The following RGS6 variants were observed in gnomAD, a reference collection of about 807,000 sequenced individuals.
The protein encoded by RGS6 is regulator of G-protein signaling 6.
Under a neutral mutation model 78.5 loss-of-function variants are expected in RGS6, and 30 were observed. The observed-to-expected ratio is 0.38, with a 90% CI of 0.29 to 0.52. RGS6 has a LOEUF of 0.52. Among genes scored for constraint, RGS6 ranks in the 20% least tolerant of loss-of-function variants. The pLI, the probability that RGS6 is intolerant of heterozygous loss-of-function variation, is 0.85. For missense variants in RGS6, 495 were observed against 609.7 expected, an observed-to-expected ratio of 0.81 and a Z score of 1.98; for synonymous variants, 206 against 206.0, an observed-to-expected ratio of 1.00 and a Z score of 0.00.
intron 2 of RGS6, among the ~76,000 whole-genome samples, chr14:72,312,612 A>G (rs953206455): frequency 3.9e-5 from 6 of 152,226 alleles, no homozygotes; most frequent in Non-Finnish European, 5.9e-5. Context: ...CCTGTAACAT[A>G]GTTATGCGTA....
At chr14:72,630,016 T>C in the RGS6 span, among the ~76,000 whole-genome samples, 1 of 151,974 alleles carries the variant, frequency 6.6e-6, no homozygotes, top group South Asian at 2.1e-4. Flanking sequence ...AAAACAATGA[T>C]CAGAGAGAAC....
chr14:72,288,224 T>C (rs986031044), intron 2 of RGS6, among the ~76,000 whole-genome samples: 4 of 152,230 alleles, frequency 2.6e-5, no homozygotes, highest in Non-Finnish European at 4.4e-5. Flanking sequence ...GGAAATATTG[T>C]ATATAGGTAA....
chr14:72,014,365 C>A (rs989160756), intron 2 of RGS6, among the ~76,000 whole-genome samples: 1 of 152,168 alleles, frequency 6.6e-6, no homozygotes, highest in Admixed American at 6.5e-5. Flanking sequence ...GTTGCTATTG[C>A]CCCAAACATT....
chr14:72,289,279 T>C (rs1375615995), intron 2 of RGS6, among the ~76,000 whole-genome samples: 4 of 152,164 alleles, frequency 2.6e-5, no homozygotes, highest in African/African-American at 9.7e-5. Context: ...TTGTCTCCCA[T>C]GTTCTCCCTA....
At chr14:72,145,749 C>A (rs547302225) in intron 2 of RGS6, among the ~76,000 whole-genome samples, 1 of 152,274 alleles carries the variant, frequency 6.6e-6, no homozygotes, top group South Asian at 2.1e-4. Context: ...TCCCAAAATG[C>A]TGGGATTACA....
intron 3 of RGS6, among the ~76,000 whole-genome samples, chr14:72,445,515 A>G (rs1368871363): frequency 2.0e-5 from 3 of 151,990 alleles, no homozygotes; most frequent in African/African-American, 7.2e-5. Flanking sequence ...TCAGTGGGTG[A>G]AAGACCCTGA....
chr14:72,111,682 C>T (rs2095766162), intron 2 of RGS6, among the ~76,000 whole-genome samples: 1 of 152,142 alleles, frequency 6.6e-6, no homozygotes, highest in Non-Finnish European at 1.5e-5. Context: ...CTTTTCCCAA[C>T]AGAGGTTACC....
At chr14:72,118,228 A>G (rs751090604) in intron 2 of RGS6, among the ~76,000 whole-genome samples, 5 of 152,014 alleles carry the variant, frequency 3.3e-5, no homozygotes, top group African/African-American at 4.8e-5. Context: ...TAAGGCTATA[A>G]TGGGAGACAC....
chr14:72,398,185 C>CT (rs1047048887), intron 3 of RGS6, among the ~76,000 whole-genome samples: 4 of 152,056 alleles, frequency 2.6e-5, no homozygotes, highest in African/African-American at 7.2e-5. Flanking sequence ...TGGTCCTGGA[C>CT]TTTTTTTGGT....
the RGS6 span, among the ~76,000 whole-genome samples, chr14:71,889,602 A>T: frequency 6.6e-6 from 1 of 152,122 alleles, no homozygotes; most frequent in Non-Finnish European, 1.5e-5. Context: ...GGGATAATTG[A>T]GTTGGGGGAG....
At chr14:72,102,818 C>T (rs898069480) in intron 2 of RGS6, among the ~76,000 whole-genome samples, 4 of 152,288 alleles carry the variant, frequency 2.6e-5, no homozygotes, top group Non-Finnish European at 4.4e-5. Context: ...GGCAATCTAA[C>T]GTCAGACCCC....
intron 13 of RGS6, among the ~76,000 whole-genome samples, chr14:72,495,507 C>A (rs2096633493): frequency 6.6e-6 from 1 of 152,130 alleles, no homozygotes; most frequent in Non-Finnish European, 1.5e-5. Flanking sequence ...AGTCCCTCAC[C>A]ATTCCCTAGT....
intron 2 of RGS6, among the ~76,000 whole-genome samples, chr14:72,160,600 A>C (rs1257245174): frequency 6.6e-6 from 1 of 152,228 alleles, no homozygotes; most frequent in African/African-American, 2.4e-5. Flanking sequence ...AAGGTGATTA[A>C]GTTAAAGTGA....
At chr14:72,076,969 TAA>T (rs1017701884) in intron 2 of RGS6, among the ~76,000 whole-genome samples, 53 of 148,590 alleles carry the variant, frequency 3.6e-4, no homozygotes, top group African/African-American at 1.3e-3. Flanking sequence ...TATATATATA[TAA>T]ATGTTATATA....
chr14:72,158,614 A>C (rs1456204825), intron 2 of RGS6, among the ~76,000 whole-genome samples: 1 of 152,154 alleles, frequency 6.6e-6, no homozygotes, highest in African/African-American at 2.4e-5. Context: ...ACCTCCTGGT[A>C]CCTGTTATAT....
the RGS6 span, among the ~76,000 whole-genome samples, chr14:72,599,442 T>G: frequency 7.0e-6 from 1 of 143,360 alleles, no homozygotes. Flanking sequence ...AGAGTCTTGC[T>G]TTGTTGCCCA....
chr14:72,295,148 G>C lies in RGS6; in HGVS notation c.85-56947G>C, dbSNP rs1014690581. On this transcript the variant is annotated intron_variant, in intron 2 of 17. Coordinates refer to ENST00000553525, the MANE Select transcript of RGS6 (RefSeq NM_001204424.2). ...CTACTAAAAATACAAAAAATTAGCC[G>C]GGCGTAGTGGCGGGCGCCTGTAGTC... Among the ~76,000 whole-genome samples, 3 of 151,524 alleles carry C rather than the reference G, an allele frequency of 2.0e-5. No individual in the cohort carries two copies. The East Asian group carries it at 5.8e-4, about 29-fold the overall frequency.
At chr14:72,331,768 G>A (rs186068518) in intron 2 of RGS6, among the ~76,000 whole-genome samples, 8 of 152,312 alleles carry the variant, frequency 5.3e-5, no homozygotes, top group African/African-American at 1.9e-4. Flanking sequence ...CTGCATGGAG[G>A]AGAGGAAGGG....
intron 3 of RGS6, among the ~76,000 whole-genome samples, chr14:72,379,599 C>A (rs187467165): frequency 2.7e-4 from 41 of 151,718 alleles, no homozygotes; most frequent in Non-Finnish European, 4.3e-4. Context: ...TTAAAAAAAA[C>A]CTAGGAATAA....
Sources: allele counts gnomAD v4.1 joint callset (sites outside exome capture counted in the v4.1 genomes callset), GRCh38; gene constraint gnomAD v4.1.1; transcripts MANE v1.5; gene names NCBI Gene and HGNC (gene_info 2026-07-23, HGNC 2026-07-21).